NRG1: variants seen among roughly 807,000 people sequenced by gnomAD.
NRG1 encodes the protein neuregulin 1, also known as pro-neuregulin-1, membrane-bound isoform.
Under a neutral mutation model 63.8 loss-of-function variants are expected in NRG1, and 18 were observed. The ratio of observed to expected loss-of-function variants is 0.28; its 90% CI spans 0.19 to 0.42. The LOEUF is 0.42. NRG1 is among the 10% of genes least tolerant of loss of function. The pLI is 1.00. For missense variants in NRG1, 762 were observed against 814.7 expected (o/e 0.94, Z 0.79); for synonymous variants, 302 against 301.3 (o/e 1.00, Z -0.02).
intron 1 of NRG1, among the ~76,000 whole-genome samples, chr8:32,010,434 T>C (rs563617855): frequency 4.4e-4 from 67 of 152,196 alleles, no homozygotes; most frequent in African/African-American, 1.6e-3. Flanking sequence ...TATCTAGAAA[T>C]AGGGCACTAA....
At chr8:31,997,124 A>T (rs1812118461) in intron 1 of NRG1, among the ~76,000 whole-genome samples, 1 of 151,666 alleles carries the variant, frequency 6.6e-6, no homozygotes, top group African/African-American at 2.4e-5. Flanking sequence ...AATGGGAATA[A>T]TATGGGCATT....
intron 1 of NRG1, among the ~76,000 whole-genome samples, chr8:31,666,683 A>T (rs1008309651): frequency 3.3e-5 from 5 of 152,170 alleles, no homozygotes; most frequent in Non-Finnish European, 5.9e-5. Flanking sequence ...GCTTTTTATG[A>T]TCTCTTTCCC....
chr8:31,639,565 C>T, intron 1 of NRG1: 2 of 1,441,800 alleles, frequency 1.4e-6, no homozygotes, highest in East Asian at 2.6e-5. Flanking sequence ...CCAGCAGCCG[C>T]CGCAGCATCA....
intron 1 of NRG1, among the ~76,000 whole-genome samples, chr8:31,795,498 G>A (rs555511415): frequency 1.1e-4 from 17 of 152,102 alleles, no homozygotes; most frequent in Non-Finnish European, 2.4e-4. Context: ...AGCTATCCAC[G>A]GTACTGAACT....
At chr8:32,013,331 C>T (rs182792988) in intron 1 of NRG1, among the ~76,000 whole-genome samples, 2 of 152,202 alleles carry the variant, frequency 1.3e-5, no homozygotes, top group East Asian at 3.9e-4. Flanking sequence ...TGCTGACCAA[C>T]CCTATACCCA....
chr8:31,779,503 T>A (rs968810196), intron 1 of NRG1, among the ~76,000 whole-genome samples: 1 of 152,106 alleles, frequency 6.6e-6, no homozygotes, highest in Non-Finnish European at 1.5e-5. Flanking sequence ...TGTGCTATGT[T>A]GTGAGTAAGA....
chr8:31,764,005 C>CA (rs559731505), intron 1 of NRG1, among the ~76,000 whole-genome samples: 19,610 of 61,124 alleles, frequency 0.32, 3,777 homozygotes, highest in Admixed American at 0.44. Flanking sequence ...GACTCCATCT[C>CA]AAAAAAAAAA....
intron 1 of NRG1, among the ~76,000 whole-genome samples, chr8:31,869,081 CA>C (rs1422337975): frequency 6.6e-6 from 1 of 152,154 alleles, no homozygotes; most frequent in Admixed American, 6.5e-5. Context: ...TAAGAGCAAA[CA>C]CATATCTTTG....
chr8:32,382,281 C>T lies in NRG1; in HGVS notation c.38-213547C>T, dbSNP rs182020487. Among the ~76,000 whole-genome samples the T allele has an allele frequency of 8.3e-4, 127 of 152,144 alleles. 2 individuals carry two copies. The highest frequency in any genetic ancestry group is 6.2e-3 in the Admixed American group (95 of 15,268). On this transcript the variant is annotated intron_variant, in intron 1 of 10. Transcript: ENST00000519301. ...TAGAAAATAAAGGTGGGTTTGTTGG[C>T]GACTAGATAATCATAATAAACATTG...
chr8:31,924,392 A>C (rs1224778349), intron 1 of NRG1, among the ~76,000 whole-genome samples: 2 of 151,958 alleles, frequency 1.3e-5, no homozygotes, highest in African/African-American at 4.8e-5. Flanking sequence ...TCAAATTGTC[A>C]ACTTCATTGA....
At chr8:32,690,680 A>G (rs1432947635) in intron 5 of NRG1, among the ~76,000 whole-genome samples, 1 of 152,070 alleles carries the variant, frequency 6.6e-6, no homozygotes, top group Admixed American at 6.5e-5. Context: ...GATAAACTCC[A>G]TGGGCATGTA....
rs112687267 is a variant in NRG1, at chr8:32,682,801, A to C, written c.503-45148A>C. 5.9e-5 allele frequency among the ~76,000 whole-genome samples: 9 copies of C among 152,346 alleles called. 1 individual carries two copies. Among genetic ancestry groups the C allele is most frequent in the African/African-American group, 2.2e-4 (9 of 41,592 alleles). On this transcript the variant is annotated intron_variant, in intron 5 of 11. Coordinates refer to ENST00000356819, the Ensembl canonical transcript of NRG1. ...GTTGTCTTTTAAGCAATTCTCCTGC[A>C]TAATAACTTAGTTTAGAGTAAGAAA...
intron 1 of NRG1, among the ~76,000 whole-genome samples, chr8:32,396,268 G>A (rs1424177892): frequency 6.6e-6 from 1 of 152,134 alleles, no homozygotes; most frequent in African/African-American, 2.4e-5. Flanking sequence ...CCAAAATAAA[G>A]TTCTTTAGAA....
At chr8:32,594,061 G>A (rs186137737) in intron 1 of NRG1, among the ~76,000 whole-genome samples, 1 of 152,044 alleles carries the variant, frequency 6.6e-6, no homozygotes, top group Non-Finnish European at 1.5e-5. Context: ...GCATTCAAAT[G>A]ATTTTTTTCT....
intron 5 of NRG1, among the ~76,000 whole-genome samples, chr8:32,672,939 A>T (rs187014944): frequency 1.3e-5 from 2 of 152,324 alleles, no homozygotes. Context: ...ATTTTTTATA[A>T]GCCACAAACA....
intron 1 of NRG1, among the ~76,000 whole-genome samples, chr8:31,744,962 T>C (rs889930947): frequency 3.9e-5 from 6 of 151,936 alleles, no homozygotes; most frequent in African/African-American, 1.4e-4. Context: ...TTAAACAATC[T>C]ATTCTCTGAA....
intron 1 of NRG1, among the ~76,000 whole-genome samples, chr8:31,872,740 C>T (rs1829595248): frequency 1.3e-5 from 2 of 152,172 alleles, no homozygotes; most frequent in African/African-American, 2.4e-5. Context: ...CAGAGTTCAT[C>T]ATAATTATAG....
chr8:32,210,552 C>G (rs1396483121), intron 1 of NRG1, among the ~76,000 whole-genome samples: 2 of 152,204 alleles, frequency 1.3e-5, no homozygotes, highest in African/African-American at 4.8e-5. Flanking sequence ...GAAACTATCT[C>G]AGAATCTAAG....
chr8:32,286,589 A>T (rs1193986695), intron 1 of NRG1, among the ~76,000 whole-genome samples: 1 of 151,878 alleles, frequency 6.6e-6, no homozygotes, highest in Non-Finnish European at 1.5e-5. Flanking sequence ...GTGAGTTCTC[A>T]CTCTTAGTTC....
Sources: allele counts gnomAD v4.1 joint callset (sites outside exome capture counted in the v4.1 genomes callset), GRCh38; gene constraint gnomAD v4.1.1; transcripts MANE v1.5; gene names NCBI Gene and HGNC (gene_info 2026-07-23, HGNC 2026-07-21).